The following OCA2 variants were observed in gnomAD, a reference collection of about 807,000 sequenced individuals.
OCA2 encodes OCA2 melanosomal transmembrane protein.
OCA2 carries 77 observed loss-of-function variants against 100.2 expected under a neutral mutation model. That is an observed-to-expected ratio of 0.77 (90% CI 0.64 to 0.93). OCA2 has a LOEUF of 0.93. Ranked by LOEUF, OCA2 falls within the 40% of genes least tolerant of loss-of-function variation. The pLI is 0.00. For synonymous variants in OCA2, 432 were observed against 439.2 expected (o/e 0.98, Z 0.21); for missense variants, 1,062 against 1,089.1 (o/e 0.98, Z 0.35).
chr15:27,794,430 C>T (rs2033235939), intron 23 of OCA2, among the ~76,000 whole-genome samples: 1 of 152,156 alleles, frequency 6.6e-6, no homozygotes, highest in Non-Finnish European at 1.5e-5. Flanking sequence ...CTCCCCCACT[C>T]TGTCAGGAAA....
chr15:27,780,654 T>C (rs188124815), intron 23 of OCA2, among the ~76,000 whole-genome samples: 2 of 152,340 alleles, frequency 1.3e-5, no homozygotes, highest in Admixed American at 1.3e-4. Flanking sequence ...CCTAATATTC[T>C]GATGTGCACT....
intron 2 of OCA2, among the ~76,000 whole-genome samples, chr15:28,075,138 G>GT (rs2044391467): frequency 6.6e-6 from 1 of 151,916 alleles, no homozygotes; most frequent in Non-Finnish European, 1.5e-5. Context: ...AACACCAAAA[G>GT]TATACTCCAT....
chr15:27,786,854 C>G (rs760603896), intron 23 of OCA2, among the ~76,000 whole-genome samples: 13 of 152,102 alleles, frequency 8.5e-5, no homozygotes, highest in Non-Finnish European at 1.6e-4. Context: ...ATCAAAGTGG[C>G]AAGTTTCAAT....
At chr15:27,816,876 C>A (rs574961400) in intron 23 of OCA2, among the ~76,000 whole-genome samples, 76 of 152,260 alleles carry the variant, frequency 5.0e-4, no homozygotes, top group African/African-American at 1.8e-3. Flanking sequence ...TGGCACCCCA[C>A]CACCCCTCAC....
intron 9 of OCA2, among the ~76,000 whole-genome samples, chr15:27,999,085 A>T (rs913375655): frequency 6.6e-6 from 1 of 150,764 alleles, no homozygotes; most frequent in South Asian, 2.1e-4. Context: ...GCATTAGGAG[A>T]TATACCTAAT....
the OCA2 span, among the ~76,000 whole-genome samples, chr15:27,722,782 C>CTCTG: frequency 8.4e-6 from 1 of 118,886 alleles, no homozygotes; most frequent in African/African-American, 3.7e-5. Flanking sequence ...TTCTTTCTTT[C>CTCTG]TCTCTCTCTC....
chr15:28,069,064 T>C (rs1401491694), intron 2 of OCA2, among the ~76,000 whole-genome samples: 1 of 152,010 alleles, frequency 6.6e-6, no homozygotes, highest in Admixed American at 6.6e-5. Flanking sequence ...CCACTCCTAT[T>C]CAACAGAGTA....
At chr15:27,845,422 C>T (rs1188788871) in intron 22 of OCA2, among the ~76,000 whole-genome samples, 1 of 152,188 alleles carries the variant, frequency 6.6e-6, no homozygotes, top group African/African-American at 2.4e-5. Context: ...CAGACAGGAA[C>T]CACCTTCCTC....
intron 23 of OCA2, among the ~76,000 whole-genome samples, chr15:27,774,487 A>G (rs1227271716): frequency 2.6e-5 from 4 of 152,198 alleles, no homozygotes; most frequent in Admixed American, 2.6e-4. Flanking sequence ...CATGTGGTGC[A>G]GGCAGCTTCT....
chr15:27,745,064 C>G, the OCA2 span, among the ~76,000 whole-genome samples: 1 of 152,162 alleles, frequency 6.6e-6, no homozygotes, highest in Admixed American at 6.5e-5. Context: ...GAAAGGAGTC[C>G]CGATCCCGAC....
At chr15:27,980,918 T>C (rs376408601) in intron 14 of OCA2, among the ~76,000 whole-genome samples, 33 of 152,342 alleles carry the variant, frequency 2.2e-4, no homozygotes, top group African/African-American at 7.9e-4. Context: ...GTTTATACCA[T>C]TCATAAAATT....
intron 2 of OCA2, among the ~76,000 whole-genome samples, chr15:28,054,741 C>A (rs2043634244): frequency 6.7e-6 from 1 of 149,826 alleles, no homozygotes; most frequent in African/African-American, 2.5e-5. Flanking sequence ...CGTTCTCATG[C>A]TGCTATAAAA....
chr15:27,721,165 C>G, the OCA2 span, among the ~76,000 whole-genome samples: 1 of 152,146 alleles, frequency 6.6e-6, no homozygotes, highest in South Asian at 2.1e-4. Flanking sequence ...TTAAATTTCG[C>G]TTCTTTAAAG....
chr15:27,922,282 C>T (rs764405663), intron 19 of OCA2, among the ~76,000 whole-genome samples: 1 of 152,310 alleles, frequency 6.6e-6, no homozygotes, highest in East Asian at 1.9e-4. Flanking sequence ...TTGCAGTAAA[C>T]CAAGAAATAC....
At chr15:27,733,149 AT>A in the OCA2 span, among the ~76,000 whole-genome samples, 1 of 152,084 alleles carries the variant, frequency 6.6e-6, no homozygotes, top group African/African-American at 2.4e-5. Flanking sequence ...AAATACCTCA[AT>A]TTTGTTTGGT....
intron 8 of OCA2, 105 bp downstream of exon 8, chr15:28,015,999 G>T: frequency 2.3e-6 from 2 of 854,412 alleles, no homozygotes; most frequent in Non-Finnish European, 4.0e-6. Flanking sequence ...GTCACATGCT[G>T]ACCTGGTGCT....
chr15:27,984,654 G>A lies in OCA2; in HGVS notation c.1364+410C>T, dbSNP rs1043613156. ...CAGCTCACTGCAACCTCCGCCTCCC[G>A]GGTTCAAGGGATTCTCCTGCCTCAG... is the stretch of plus-strand genomic sequence containing the variant. On this transcript the variant is annotated intron_variant, in intron 13 of 23. Coordinates refer to ENST00000354638, the MANE Select transcript of OCA2 (RefSeq NM_000275.3). Among the ~76,000 whole-genome samples, 6 of 152,044 alleles carry A rather than the reference G, an allele frequency of 3.9e-5. 1 individual carries two copies. The highest frequency in any genetic ancestry group is 3.9e-4 in the East Asian group (2 of 5,148).
chr15:28,096,903 C>T (rs928995128), intron 1 of OCA2, among the ~76,000 whole-genome samples: 3 of 151,960 alleles, frequency 2.0e-5, no homozygotes, highest in African/African-American at 7.3e-5. Flanking sequence ...ACGAGCAGCG[C>T]CAGCAAACGC....
At chr15:28,028,636 A>C (rs1159334798) in intron 3 of OCA2, among the ~76,000 whole-genome samples, 2 of 152,098 alleles carry the variant, frequency 1.3e-5, no homozygotes, top group Non-Finnish European at 2.9e-5. Context: ...CTTTTCTCAG[A>C]ATTACTTGAA....
Sources: gnomAD v4.1 joint callset for allele counts (sites outside exome capture counted in the v4.1 genomes callset) on GRCh38, gnomAD v4.1.1 for gene constraint, MANE v1.5 for transcripts, NCBI Gene and HGNC (gene_info 2026-07-23, HGNC 2026-07-21) for gene names.